ASCC1: variants seen among roughly 807,000 people sequenced by gnomAD.
ASCC1 encodes activating signal cointegrator 1 complex subunit 1, also known as ASC-1 complex subunit P50.
A neutral mutation model predicts 46.6 loss-of-function variants in ASCC1; 35 were observed. The observed-to-expected ratio is 0.75, with a 90% confidence interval of 0.57 to 0.99. The LOEUF is 0.99. Among genes scored for constraint, ASCC1 ranks in the 50% least tolerant of loss-of-function variants. The probability of loss-of-function intolerance (pLI) is 0.00; values close to 1 mark genes in which losing one functional copy is unlikely to be tolerated. For synonymous variants in ASCC1, 143 were observed against 146.6 expected (o/e 0.98, Z 0.18); for missense variants, 376 against 428.7 (o/e 0.88, Z 1.09).
chr10:72,190,669 C>A, intron 5 of ASCC1: 1 of 682,348 alleles, frequency 1.5e-6, no homozygotes, highest in Non-Finnish European at 2.4e-6. Flanking sequence ...AGCTAGTCTG[C>A]AAATTATTTA....
intron 9 of ASCC1, among the ~76,000 whole-genome samples, chr10:72,107,194 A>C (rs1800767560): frequency 6.6e-6 from 1 of 152,168 alleles, no homozygotes; most frequent in African/African-American, 2.4e-5. Flanking sequence ...GATTTTGAAA[A>C]AAAAAAAATC....
At chr10:72,203,329 C>T in intron 4 of ASCC1, 98 bp downstream of exon 4, 2 of 939,546 alleles carry the variant, frequency 2.1e-6, no homozygotes. Flanking sequence ...AGCTAGAACC[C>T]CACAGAAAAC....
chr10:72,143,700 C>T (rs186703910), intron 7 of ASCC1, among the ~76,000 whole-genome samples: 151 of 150,214 alleles, frequency 1.0e-3, no homozygotes, highest in Non-Finnish European at 1.6e-3. Flanking sequence ...GCATATAATT[C>T]CAGAGATGAG....
chr10:72,112,620 A>G (rs549200310), intron 9 of ASCC1, among the ~76,000 whole-genome samples: 48 of 152,086 alleles, frequency 3.2e-4, no homozygotes, highest in Non-Finnish European at 6.3e-4. Flanking sequence ...AGTGGCTCAC[A>G]CCTGTAAGCA....
intron 5 of ASCC1, among the ~76,000 whole-genome samples, chr10:72,186,941 C>T (rs1853545093): frequency 7.3e-6 from 1 of 137,838 alleles, no homozygotes; most frequent in Admixed American, 7.1e-5. Flanking sequence ...TGCACATGCA[C>T]ATGCCCAGAA....
chr10:72,182,235 C>T (rs1852733506), intron 5 of ASCC1, among the ~76,000 whole-genome samples: 1 of 152,194 alleles, frequency 6.6e-6, no homozygotes, highest in African/African-American at 2.4e-5. Flanking sequence ...ATACACCTAA[C>T]CATGAAAAGG....
intron 7 of ASCC1, among the ~76,000 whole-genome samples, chr10:72,138,363 A>G (rs1195742643): frequency 6.6e-6 from 1 of 152,210 alleles, no homozygotes; most frequent in African/African-American, 2.4e-5. Flanking sequence ...TAAACTAAAC[A>G]GACTACATGA....
chr10:72,108,108 ACT>A (rs1335786806), intron 9 of ASCC1, among the ~76,000 whole-genome samples: 2 of 117,120 alleles, frequency 1.7e-5, no homozygotes, highest in African/African-American at 3.3e-5. Context: ...ACAAGGTCTT[ACT>A]CTGTCAGCCA....
intron 9 of ASCC1, among the ~76,000 whole-genome samples, chr10:72,116,770 T>G (rs573496304): frequency 7.9e-5 from 12 of 152,298 alleles, no homozygotes; most frequent in Non-Finnish European, 1.5e-4. Context: ...GGTTTTTCTT[T>G]TTAATAGTTC....
intron 8 of ASCC1, among the ~76,000 whole-genome samples, chr10:72,129,995 A>C (rs1211076944): frequency 1.3e-5 from 2 of 151,094 alleles, no homozygotes; most frequent in Admixed American, 6.6e-5. Context: ...AAAAAAAAAA[A>C]AAAAAAACAC....
At chr10:72,152,541 TACC>T (rs1199180073) in intron 7 of ASCC1, among the ~76,000 whole-genome samples, 1 of 152,166 alleles carries the variant, frequency 6.6e-6, no homozygotes, top group African/African-American at 2.4e-5. Flanking sequence ...ACTCAGTAGC[TACC>T]ACATTAGCCT....
intron 6 of ASCC1, among the ~76,000 whole-genome samples, chr10:72,157,767 A>T (rs756895357): frequency 3.1e-4 from 47 of 152,310 alleles, no homozygotes; most frequent in Non-Finnish European, 5.6e-4. Context: ...ACAACTGAAA[A>T]TTTTTTTAAA....
At chr10:72,204,046 C>T (rs989540957) in intron 3 of ASCC1, among the ~76,000 whole-genome samples, 4 of 152,052 alleles carry the variant, frequency 2.6e-5, no homozygotes, top group Non-Finnish European at 4.4e-5. Context: ...GTCAAGAGTT[C>T]GAGACCAGCC....
chr10:72,193,726 T>A (rs1854914485), intron 5 of ASCC1, among the ~76,000 whole-genome samples: 1 of 152,160 alleles, frequency 6.6e-6, no homozygotes, highest in Admixed American at 6.6e-5. Context: ...ATTTAATTCT[T>A]CAGAGGATAA....
chr10:72,122,743 A>G (rs2132158028), intron 9 of ASCC1, among the ~76,000 whole-genome samples: 1 of 152,262 alleles, frequency 6.6e-6, no homozygotes, highest in Middle Eastern at 3.4e-3. Flanking sequence ...GTGCCACTGC[A>G]CTCCAGCCTG....
intron 5 of ASCC1, 115 bp downstream of exon 5, chr10:72,196,696 T>C: frequency 4.7e-6 from 5 of 1,071,732 alleles, no homozygotes; most frequent in African/African-American, 1.6e-5. Flanking sequence ...GAAATAGTTA[T>C]CTTTTTTGGT....
At chr10:72,127,972 T>A (rs558329832) in intron 9 of ASCC1, 110 bp downstream of exon 9, 8 of 888,286 alleles carry the variant, frequency 9.0e-6, no homozygotes, top group Non-Finnish European at 1.3e-5. Context: ...AAAAAAAGTA[T>A]GAGAAAAAGT....
chr10:72,166,501 C>CAAA (rs769084089), intron 5 of ASCC1, among the ~76,000 whole-genome samples: 1 of 113,526 alleles, frequency 8.8e-6, no homozygotes, highest in Non-Finnish European at 1.7e-5. Flanking sequence ...TTTTTCTCTA[C>CAAA]AAAAAAAAAA....
At chr10:72,108,473 T>A (rs191784869) in intron 9 of ASCC1, among the ~76,000 whole-genome samples, 1 of 152,230 alleles carries the variant, frequency 6.6e-6, no homozygotes, top group Admixed American at 6.5e-5. Context: ...CAACCTTGTA[T>A]AGAAAATGTT....
Sources: allele counts gnomAD v4.1 joint callset (sites outside exome capture counted in the v4.1 genomes callset), GRCh38; gene constraint gnomAD v4.1.1; transcripts MANE v1.5; gene names NCBI Gene and HGNC (gene_info 2026-07-23, HGNC 2026-07-21).